LARGE1: variants seen among roughly 807,000 people sequenced by gnomAD.
The protein encoded by LARGE1 is LARGE xylosyl- and glucuronyltransferase 1, also known as xylosyl- and glucuronyltransferase LARGE1.
In LARGE1, 43 loss-of-function variants were observed where a neutral mutation model predicts 87.6. That is an observed-to-expected ratio of 0.49 (90% CI 0.38 to 0.63). The LOEUF is 0.63. Ranked by LOEUF, LARGE1 falls within the 30% of genes least tolerant of loss-of-function variation. The probability of loss-of-function intolerance (pLI) is 0.00; values close to 1 mark genes in which losing one functional copy is unlikely to be tolerated. For missense variants in LARGE1, 802 were observed against 1,000.2 expected, an observed-to-expected ratio of 0.80 and a Z score of 2.67; for synonymous variants, 434 against 394.6, an observed-to-expected ratio of 1.10 and a Z score of -1.18.
chr22:33,364,197 G>A (rs959385431), intron 9 of LARGE1, among the ~76,000 whole-genome samples: 7 of 152,124 alleles, frequency 4.6e-5, no homozygotes, highest in Admixed American at 1.3e-4. Flanking sequence ...TGGGACTACA[G>A]GCGCCCGCCA....
chr22:33,921,309 C>T (rs2065945059), upstream of LARGE1, among the ~76,000 whole-genome samples: 1 of 152,198 alleles, frequency 6.6e-6, no homozygotes, highest in African/African-American at 2.4e-5. This position sits in a 1 kb window ranked among gnomAD's most constrained non-coding sequence, Gnocchi z 4.1. Flanking sequence ...GGGAGCTCCC[C>T]GCCCTTCTTC....
At chr22:33,840,728 T>C (rs964143577) in intron 1 of LARGE1, among the ~76,000 whole-genome samples, 43 of 152,116 alleles carry the variant, frequency 2.8e-4, no homozygotes, top group African/African-American at 9.9e-4. Context: ...TGGAGCACAG[T>C]GGCGTGATCA....
chr22:33,202,781 C>A (rs1183080618), intron 11 of LARGE1, among the ~76,000 whole-genome samples: 1 of 152,088 alleles, frequency 6.6e-6, no homozygotes, highest in Non-Finnish European at 1.5e-5. Flanking sequence ...TCTGGTTGAA[C>A]CCAAGAGCCA....
intron 11 of LARGE1, among the ~76,000 whole-genome samples, chr22:33,205,966 T>TTG (rs1924658187): frequency 2.7e-5 from 4 of 148,080 alleles, no homozygotes; most frequent in African/African-American, 1.0e-4. Flanking sequence ...TTTTTTTTTT[T>TTG]TTTTGTGAGA....
intron 6 of LARGE1, among the ~76,000 whole-genome samples, chr22:33,469,982 C>T (rs1383540923): frequency 8.6e-5 from 13 of 150,330 alleles, no homozygotes; most frequent in African/African-American, 1.5e-4. Context: ...CTCCACCTCC[C>T]GGGTTCACGC....
intron 3 of LARGE1, among the ~76,000 whole-genome samples, chr22:33,646,591 A>T (rs1162388706): frequency 9.0e-6 from 1 of 111,688 alleles, no homozygotes; most frequent in Non-Finnish European, 2.4e-5. Flanking sequence ...TCCAGAATTT[A>T]AAGTTTAAAA....
At chr22:33,188,821 C>T (rs1000609845) in intron 11 of LARGE1, among the ~76,000 whole-genome samples, 1 of 152,134 alleles carries the variant, frequency 6.6e-6, no homozygotes, top group African/African-American at 2.4e-5. Context: ...AGGGGATCTG[C>T]CTGCTTTGAG....
the LARGE1 span, among the ~76,000 whole-genome samples, chr22:33,120,581 G>A: frequency 3.3e-5 from 5 of 151,384 alleles, no homozygotes; most frequent in African/African-American, 7.3e-5. Flanking sequence ...GCATGATCTC[G>A]ATTCACTGCA....
chr22:33,324,875 T>C (rs960690464), intron 10 of LARGE1, among the ~76,000 whole-genome samples: 1 of 152,180 alleles, frequency 6.6e-6, no homozygotes, highest in African/African-American at 2.4e-5. Context: ...TTGGACTTCC[T>C]AAAGTGACGC....
At chr22:33,887,710 C>T (rs1601854459) in intron 1 of LARGE1, among the ~76,000 whole-genome samples, 1 of 151,318 alleles carries the variant, frequency 6.6e-6, no homozygotes, top group East Asian at 1.9e-4. Flanking sequence ...GCACTCCAGC[C>T]TAAGTGACAA....
At chr22:33,704,401 C>A (rs2082497432) in intron 2 of LARGE1, among the ~76,000 whole-genome samples, 1 of 152,158 alleles carries the variant, frequency 6.6e-6, no homozygotes, top group Non-Finnish European at 1.5e-5. Flanking sequence ...AATGTCCCAC[C>A]CTGCCCCAAC....
the LARGE1 span, among the ~76,000 whole-genome samples, chr22:33,133,835 T>G: frequency 6.7e-6 from 1 of 149,924 alleles, no homozygotes; most frequent in Admixed American, 6.7e-5. Context: ...AACCTCTCTC[T>G]CCAGCATCTG....
intron 1 of LARGE1, among the ~76,000 whole-genome samples, chr22:33,823,618 A>T (rs1394059471): frequency 6.6e-6 from 1 of 152,174 alleles, no homozygotes; most frequent in Admixed American, 6.5e-5. Flanking sequence ...TGCCCTCCGC[A>T]TCTGAGGACA....
chr22:33,264,886 A>ATTT (rs1383939586), intron 11 of LARGE1, among the ~76,000 whole-genome samples: 3 of 98,658 alleles, frequency 3.0e-5, no homozygotes, highest in African/African-American at 7.1e-5. Flanking sequence ...ATCTGATCAA[A>ATTT]TTCTTTTTTT....
At chr22:33,127,424 A>G in the LARGE1 span, among the ~76,000 whole-genome samples, 5 of 152,220 alleles carry the variant, frequency 3.3e-5, no homozygotes, top group African/African-American at 1.2e-4. Flanking sequence ...CGCACTAAAT[A>G]TGATGCATAA....
chr22:33,074,844 G>A, the LARGE1 span, among the ~76,000 whole-genome samples: 1 of 152,160 alleles, frequency 6.6e-6, no homozygotes, highest in Non-Finnish European at 1.5e-5. Context: ...AGTCCAGCAT[G>A]TTTTCTATAT....
intron 6 of LARGE1, among the ~76,000 whole-genome samples, chr22:33,452,742 G>A (rs938078199): frequency 1.3e-5 from 2 of 152,154 alleles, no homozygotes; most frequent in Admixed American, 6.5e-5. Context: ...GAAACAACAC[G>A]CTCCCTTAGC....
intron 2 of LARGE1, among the ~76,000 whole-genome samples, chr22:33,683,244 G>A (rs902479590): frequency 6.6e-6 from 1 of 152,156 alleles, no homozygotes; most frequent in Non-Finnish European, 1.5e-5. Flanking sequence ...TAACGGGGAG[G>A]GGCTTCATCC....
At chr22:33,432,008 C>T (rs139403497) in intron 7 of LARGE1, among the ~76,000 whole-genome samples, 153 bp downstream of exon 7, 1 of 152,312 alleles carries the variant, frequency 6.6e-6, no homozygotes, top group Non-Finnish European at 1.5e-5. Flanking sequence ...CAAGAAGGAA[C>T]TGGAATGCAA....
Sources: allele counts gnomAD v4.1 joint callset (sites outside exome capture counted in the v4.1 genomes callset), GRCh38; gene constraint gnomAD v4.1.1; non-coding constraint Gnocchi (gnomAD v3.1); transcripts MANE v1.5; gene names NCBI Gene and HGNC (gene_info 2026-07-23, HGNC 2026-07-21).